Variants in TCF7L1 observed in about 807,000 individuals in gnomAD.
TCF7L1 encodes transcription factor 7-like 1.
TCF7L1 carries 18 observed loss-of-function variants against 63.7 expected under a neutral mutation model. The ratio of observed to expected loss-of-function variants is 0.28; its 90% confidence interval spans 0.20 to 0.42. The LOEUF (loss-of-function observed/expected upper bound fraction) is 0.42, where lower values mean the gene tolerates loss of function less well. Among genes scored for constraint, TCF7L1 ranks in the 10% least tolerant of loss-of-function variants. The pLI, the probability that TCF7L1 is intolerant of heterozygous loss-of-function variation, is 1.00. For synonymous variants in TCF7L1, 355 were observed against 340.9 expected (o/e 1.04, Z -0.46); for missense variants, 654 against 779.3 (o/e 0.84, Z 1.91).
chr2:85,258,705 A>T (rs931383911), intron 3 of TCF7L1, among the ~76,000 whole-genome samples: 1 of 152,180 alleles, frequency 6.6e-6, no homozygotes, highest in Non-Finnish European at 1.5e-5. Context: ...GTGTAAGCGT[A>T]TGGGCTTGCA....
chr2:85,152,458 A>G (rs997285302), intron 3 of TCF7L1, among the ~76,000 whole-genome samples: 6 of 137,460 alleles, frequency 4.4e-5, no homozygotes, highest in Admixed American at 2.3e-4. Flanking sequence ...TTTTTGAGAC[A>G]GAGTCTCACT....
intron 3 of TCF7L1, among the ~76,000 whole-genome samples, chr2:85,139,703 C>G (rs145488973): frequency 0.016 from 2,408 of 152,264 alleles, 32 homozygotes; most frequent in Non-Finnish European, 0.022. Context: ...TCACTCTCAT[C>G]TTGAGGTGGG....
At chr2:85,212,808 AG>A (rs1393195913) in intron 3 of TCF7L1, among the ~76,000 whole-genome samples, 2 of 152,270 alleles carry the variant, frequency 1.3e-5, no homozygotes, top group East Asian at 3.9e-4. Context: ...AGCCTTCTTC[AG>A]GACGGTGAGA....
chr2:85,222,563 G>T (rs1268375061), intron 3 of TCF7L1, among the ~76,000 whole-genome samples: 4 of 151,306 alleles, frequency 2.6e-5, no homozygotes, highest in African/African-American at 9.7e-5. Context: ...CCAGCTACTT[G>T]GGAGGCTGAG....
At chr2:85,209,109 GC>G (rs1202587326) in intron 3 of TCF7L1, among the ~76,000 whole-genome samples, 2 of 152,140 alleles carry the variant, frequency 1.3e-5, no homozygotes, top group Non-Finnish European at 2.9e-5. Flanking sequence ...AGTTCAGGTA[GC>G]AGGCAAGCTG....
chr2:85,216,931 T>A (rs1679724839), intron 3 of TCF7L1: 1 of 152,136 alleles, frequency 6.6e-6, no homozygotes, highest in Non-Finnish European at 1.5e-5. Flanking sequence ...CAAGTGTGGG[T>A]TCTAGTACTA....
At chr2:85,147,348 C>G (rs1677902332) in intron 3 of TCF7L1, among the ~76,000 whole-genome samples, 1 of 152,134 alleles carries the variant, frequency 6.6e-6, no homozygotes, top group Non-Finnish European at 1.5e-5. Flanking sequence ...ATCTTCCATA[C>G]AACCCGAACT....
At chr2:85,236,180 A>AT (rs1402301578) in intron 3 of TCF7L1, among the ~76,000 whole-genome samples, 1 of 151,562 alleles carries the variant, frequency 6.6e-6, no homozygotes, top group African/African-American at 2.4e-5. Context: ...CCCCAAAAAA[A>AT]ACCCAACCTT....
At chr2:85,280,383 T>C (rs1681382921) in intron 3 of TCF7L1, among the ~76,000 whole-genome samples, 1 of 152,198 alleles carries the variant, frequency 6.6e-6, no homozygotes, top group Admixed American at 6.5e-5. Context: ...ACAAGCCGAC[T>C]CTGCCAGACA....
At chr2:85,284,666 G>C (rs766444298) in intron 4 of TCF7L1, among the ~76,000 whole-genome samples, 1 of 152,178 alleles carries the variant, frequency 6.6e-6, no homozygotes, top group Non-Finnish European at 1.5e-5. Flanking sequence ...CAGAATCAGG[G>C]AATGCGGTTA....
At chr2:85,162,220 G>A (rs1034753401) in intron 3 of TCF7L1, among the ~76,000 whole-genome samples, 5 of 152,032 alleles carry the variant, frequency 3.3e-5, no homozygotes, top group African/African-American at 1.2e-4. Context: ...GAGCAACAGA[G>A]GGAGACCCTT....
At chr2:85,296,181 C>A (rs934237832) in intron 4 of TCF7L1, among the ~76,000 whole-genome samples, 1 of 152,178 alleles carries the variant, frequency 6.6e-6, no homozygotes, top group Non-Finnish European at 1.5e-5. Flanking sequence ...CTCCTGGTCC[C>A]AGGTTCCACC....
Position 85,290,400 on chromosome 2 carries a change from T to C in TCF7L1, c.525+6822T>C, listed in dbSNP as rs183589740. On this transcript the variant is annotated intron_variant, in intron 4 of 11. Coordinates refer to ENST00000282111, the MANE Select transcript of TCF7L1 (RefSeq NM_031283.3). ...TATGTTGCTCAGGCTGGCCTTGCAC[T>C]CCTGGCCTCAAGTGATCCGCCTGCC... Among the ~76,000 whole-genome samples, 812 of 152,290 alleles carry C rather than the reference T, an allele frequency of 5.3e-3. 11 individuals are homozygous for C. Among genetic ancestry groups the C allele is most frequent in the African/African-American group, 0.019 (780 of 41,540 alleles).
At chr2:85,215,616 C>T (rs1000300421) in intron 3 of TCF7L1, among the ~76,000 whole-genome samples, 14 of 152,064 alleles carry the variant, frequency 9.2e-5, no homozygotes, top group Non-Finnish European at 1.5e-4. Flanking sequence ...TGGGAATGGC[C>T]GGGGGTGGGA....
chr2:85,138,798 C>A (rs1217218072), intron 3 of TCF7L1, among the ~76,000 whole-genome samples: 1 of 152,120 alleles, frequency 6.6e-6, no homozygotes, highest in Non-Finnish European at 1.5e-5. Flanking sequence ...TACACACACA[C>A]CCCCACCCAA....
chr2:85,188,095 G>A (rs1208834026), intron 3 of TCF7L1, among the ~76,000 whole-genome samples: 2 of 152,290 alleles, frequency 1.3e-5, no homozygotes, highest in South Asian at 2.1e-4. Flanking sequence ...TATAGCGAGG[G>A]GGAACAGATG....
rs1178414718 is a variant in TCF7L1, at chr2:85,234,785, G to T, written c.442-48710G>T. ...TCAGAATAGGGCTTTGTCGTCTCAT[G>T]GACACATGGGAAGAAAGGTGAGGTC... On this transcript the variant is annotated intron_variant, in intron 3 of 11. Transcript: ENST00000282111. 6.6e-5 allele frequency among the ~76,000 whole-genome samples: 10 copies of T among 152,180 alleles called. No homozygotes were observed. The East Asian group carries it at 1.9e-3, about 29-fold the overall frequency.
At chr2:85,248,589 T>C (rs1024481547) in intron 3 of TCF7L1, among the ~76,000 whole-genome samples, 5 of 152,162 alleles carry the variant, frequency 3.3e-5, no homozygotes, top group Admixed American at 6.5e-5. Flanking sequence ...CTGACAACAT[T>C]TGTTTAATTT....
intron 3 of TCF7L1, among the ~76,000 whole-genome samples, chr2:85,240,682 A>C (rs544137939): frequency 6.6e-6 from 1 of 151,930 alleles, no homozygotes; most frequent in East Asian, 1.9e-4. Context: ...ACTCTGAGGC[A>C]GGAGAATCGC....
Sources: allele counts gnomAD v4.1 joint callset (sites outside exome capture counted in the v4.1 genomes callset), GRCh38; gene constraint gnomAD v4.1.1; transcripts MANE v1.5; gene names NCBI Gene and HGNC (gene_info 2026-07-23, HGNC 2026-07-21).